TMTC2: variants seen among roughly 807,000 people sequenced by gnomAD.
TMTC2 encodes the protein transmembrane O-mannosyltransferase targeting cadherins 2.
TMTC2 carries 43 observed loss-of-function variants against 82.4 expected under a neutral mutation model. The ratio of observed to expected loss-of-function variants is 0.52; its 90% CI spans 0.41 to 0.67. TMTC2 has a LOEUF of 0.67. Ranked by LOEUF, TMTC2 falls within the 30% of genes least tolerant of loss-of-function variation. The pLI is 0.00. For synonymous variants in TMTC2, 408 were observed against 381.9 expected, an observed-to-expected ratio of 1.07 and a Z score of -0.80; for missense variants, 919 against 1,012.4, an observed-to-expected ratio of 0.91 and a Z score of 1.25.
At position 82,921,709 on chromosome 12, in the gene TMTC2, A is replaced by G. The variant is rs186121536; in HGVS notation, c.1484-8722A>G. 8.5e-5 allele frequency among the ~76,000 whole-genome samples: 13 copies of G among 152,274 alleles called. No individual in the cohort carries two copies. In the East Asian group the frequency reaches 2.5e-3, roughly 29 times the overall value. On this transcript the variant is annotated intron_variant, in intron 3 of 11. Transcript: ENST00000321196. ...ATTAGATTGGGATTTTGGAACAACA[A>G]TTATATTTTTTGAACTTCAGATAAA...
At chr12:82,846,027 A>C (rs1870649823) in intron 1 of TMTC2, among the ~76,000 whole-genome samples, 1 of 151,926 alleles carries the variant, frequency 6.6e-6, no homozygotes, top group African/African-American at 2.4e-5. Context: ...ATTTTTAAAA[A>C]TATTTAGCCA....
At chr12:83,029,591 TG>T (rs1881337154) in intron 8 of TMTC2, among the ~76,000 whole-genome samples, 1 of 152,194 alleles carries the variant, frequency 6.6e-6, no homozygotes, top group Non-Finnish European at 1.5e-5. Context: ...TAAGGTCATT[TG>T]TCTTTACCAT....
chr12:83,055,048 T>G (rs190425198), intron 10 of TMTC2, among the ~76,000 whole-genome samples: 1 of 152,010 alleles, frequency 6.6e-6, no homozygotes. Context: ...CAGAATTCCC[T>G]TGGGCTCAGC....
intron 1 of TMTC2, among the ~76,000 whole-genome samples, chr12:82,841,334 G>A (rs1310552891): frequency 2.0e-5 from 3 of 152,150 alleles, no homozygotes; most frequent in South Asian, 2.1e-4. Context: ...GTATATATTA[G>A]GATGTCAGTA....
intron 1 of TMTC2, among the ~76,000 whole-genome samples, chr12:82,692,126 T>C (rs1267277963): frequency 6.6e-6 from 1 of 152,218 alleles, no homozygotes; most frequent in East Asian, 1.9e-4. Context: ...TTTATCATAG[T>C]AATTGACCCA....
chr12:82,884,292 C>G (rs142407847), intron 2 of TMTC2, among the ~76,000 whole-genome samples: 2 of 152,186 alleles, frequency 1.3e-5, no homozygotes, highest in African/African-American at 4.8e-5. Flanking sequence ...TTTCTTGATA[C>G]TTGCTTCCCA....
At chr12:83,045,929 G>A (rs1040474837) in intron 9 of TMTC2, among the ~76,000 whole-genome samples, 2 of 152,062 alleles carry the variant, frequency 1.3e-5, no homozygotes, top group African/African-American at 4.8e-5. Context: ...GTGGGGAGAA[G>A]TAACATATCA....
At chr12:83,129,230 G>A (rs796627240) in intron 11 of TMTC2, among the ~76,000 whole-genome samples, 14 of 152,140 alleles carry the variant, frequency 9.2e-5, no homozygotes, top group African/African-American at 2.9e-4. Flanking sequence ...CACATTTTTA[G>A]TTTCCATATT....
intron 1 of TMTC2, among the ~76,000 whole-genome samples, chr12:82,690,141 A>C (rs544568985): frequency 6.6e-6 from 1 of 152,342 alleles, no homozygotes; most frequent in Non-Finnish European, 1.5e-5. Context: ...TATATTTTCT[A>C]TCTAACTACT....
intron 1 of TMTC2, among the ~76,000 whole-genome samples, chr12:82,786,187 T>C (rs1350004099): frequency 6.6e-6 from 1 of 152,070 alleles, no homozygotes; most frequent in Non-Finnish European, 1.5e-5. Context: ...TGTATCTGCA[T>C]GGGTGTAAAG....
At chr12:83,056,269 G>A (rs531722447) in intron 10 of TMTC2, among the ~76,000 whole-genome samples, 52 of 151,996 alleles carry the variant, frequency 3.4e-4, no homozygotes, top group African/African-American at 1.2e-3. Flanking sequence ...TGTGGGTCAC[G>A]CATGCAGCTG....
intron 1 of TMTC2, among the ~76,000 whole-genome samples, chr12:82,728,918 A>G (rs750739003): frequency 1.1e-4 from 16 of 152,232 alleles, no homozygotes; most frequent in Non-Finnish European, 1.5e-4. Flanking sequence ...CTGGGCCAGC[A>G]GCTGCGCTGG....
intron 11 of TMTC2, among the ~76,000 whole-genome samples, chr12:83,105,297 C>T (rs893817868): frequency 3.9e-5 from 6 of 152,180 alleles, no homozygotes; most frequent in Non-Finnish European, 8.8e-5. Context: ...TCCACATTTT[C>T]AGGTACCTTT....
At chr12:82,893,755 G>T (rs1441894403) in intron 2 of TMTC2, among the ~76,000 whole-genome samples, 1 of 152,092 alleles carries the variant, frequency 6.6e-6, no homozygotes, top group African/African-American at 2.4e-5. Context: ...CATAAAGTGA[G>T]AAGGGAACCC....
At chr12:82,735,500 C>T (rs186443522) in intron 1 of TMTC2, among the ~76,000 whole-genome samples, 5,074 of 151,954 alleles carry the variant, frequency 0.033, 126 homozygotes, top group Non-Finnish European at 0.048. Context: ...CGCCCGCCAC[C>T]ACGCCCGGCT....
At chr12:83,132,104 C>T (rs902220429) in intron 11 of TMTC2, 106 bp from the exon 12 acceptor site, 2 of 1,342,582 alleles carry the variant, frequency 1.5e-6, no homozygotes, top group Non-Finnish European at 2.0e-6. Context: ...CAAAATGCCT[C>T]TAGACATAAG....
intron 1 of TMTC2, among the ~76,000 whole-genome samples, chr12:82,780,695 C>A (rs548423076): frequency 6.6e-6 from 1 of 151,970 alleles, no homozygotes; most frequent in African/African-American, 2.4e-5. Context: ...ACTAACACTT[C>A]GTTTGGTGGT....
intron 9 of TMTC2, 91 bp from the exon 10 acceptor site, chr12:83,050,813 C>A: frequency 1.4e-6 from 1 of 737,602 alleles, no homozygotes; most frequent in South Asian, 2.0e-5. Flanking sequence ...TTCAAATCAC[C>A]TTTACCACTG....
chr12:83,047,755 A>C (rs12312826), intron 9 of TMTC2, among the ~76,000 whole-genome samples: 1,969 of 152,334 alleles, frequency 0.013, 36 homozygotes, highest in African/African-American at 0.045. Flanking sequence ...GTTTTTGGAA[A>C]TTGTTTACAA....
Sources: gnomAD v4.1 joint callset for allele counts (sites outside exome capture counted in the v4.1 genomes callset) on GRCh38, gnomAD v4.1.1 for gene constraint, MANE v1.5 for transcripts, NCBI Gene and HGNC (gene_info 2026-07-23, HGNC 2026-07-21) for gene names.